Variants in COX6C observed in about 807,000 individuals in gnomAD.
COX6C encodes the protein cytochrome c oxidase subunit 6C, also known as cytochrome c oxidase polypeptide VIc.
A neutral mutation model predicts 6.9 loss-of-function variants in COX6C; 3 were observed. That is an observed-to-expected ratio of 0.43 (90% confidence interval 0.20 to 1.12). The LOEUF is 1.12. Ranked by LOEUF, COX6C falls within the 50% of genes most tolerant of loss-of-function variation. The probability of loss-of-function intolerance (pLI) is 0.27; values close to 1 mark genes in which losing one functional copy is unlikely to be tolerated. For synonymous variants in COX6C, 32 were observed against 32.0 expected (o/e 1.00, Z 0.00); for missense variants, 101 against 97.3 (o/e 1.04, Z -0.16).
chr8:99,884,101 G>A (rs551618797), intron 3 of COX6C, among the ~76,000 whole-genome samples: 1 of 152,136 alleles, frequency 6.6e-6, no homozygotes, highest in Non-Finnish European at 1.5e-5. Context: ...GCCCGCTCTT[G>A]CCACTTCTAT....
chr8:99,881,652 C>T (rs1817867635), intron 3 of COX6C, among the ~76,000 whole-genome samples: 1 of 152,012 alleles, frequency 6.6e-6, no homozygotes, highest in South Asian at 2.1e-4. Context: ...AAAGGAAAGA[C>T]TGAAACATGT....
At chr8:99,893,434 G>C (rs1818088834) in intron 1 of COX6C, 1 of 152,214 alleles carries the variant, frequency 6.6e-6, no homozygotes. Context: ...TGGGGCCGTC[G>C]CAACCCACCC....
intron 1 of COX6C, 194 bp downstream of exon 1, chr8:99,893,445 C>G (rs1032805516): frequency 5.9e-5 from 9 of 152,346 alleles, no homozygotes; most frequent in South Asian, 2.1e-4. Flanking sequence ...CAACCCACCC[C>G]GGTCCGTGGT....
chr8:99,888,428 A>G (rs971616683), intron 2 of COX6C, among the ~76,000 whole-genome samples: 1 of 151,586 alleles, frequency 6.6e-6, no homozygotes, highest in Non-Finnish European at 1.5e-5. Context: ...AAAATTAGCC[A>G]GGCATGGTGG....
intron 3 of COX6C, among the ~76,000 whole-genome samples, chr8:99,884,635 T>C (rs1486885645): frequency 1.3e-5 from 2 of 152,174 alleles, no homozygotes. Flanking sequence ...ATTGTTTTGA[T>C]TATAGTAGTC....
rs57396917 is a variant in COX6C, at chr8:99,881,277, T to G, written c.*16-3012A>C. 9.1e-3 allele frequency among the ~76,000 whole-genome samples: 1,380 copies of G among 152,130 alleles called. 23 individuals carry two copies. The highest frequency in any genetic ancestry group is 0.032 in the African/African-American group (1,311 of 41,484). On this transcript the variant is annotated intron_variant, in intron 3 of 3. Transcript: ENST00000520468. ...CGGGAGGCTGAGGCATGAGAATTGC[T>G]TGAACCCACGAGGCGGAAGTTGCAG...
At chr8:99,893,530 C>T (rs888545798) in intron 1 of COX6C, 109 bp downstream of exon 1, 1 of 152,338 alleles carries the variant, frequency 6.6e-6, no homozygotes, top group Non-Finnish European at 1.5e-5. Context: ...AGCTGCACCA[C>T]GGCGGAGACA....
chr8:99,893,477 G>T (rs911703253), intron 1 of COX6C, 162 bp downstream of exon 1: 1 of 152,356 alleles, frequency 6.6e-6, no homozygotes, highest in Admixed American at 6.5e-5. Context: ...CCTCCCTCAG[G>T]CCGCAGCGGA....
rs1817963888 is a variant in COX6C at position 99,887,587 on chromosome 8, T to C, written c.146A>G (p.Tyr49Cys). 2.5e-6 allele frequency: 4 copies of C among 1,607,916 alleles called. No homozygotes were observed. Among genetic ancestry groups the C allele is most frequent in the Non-Finnish European group, 2.5e-6 (3 of 1,178,400 alleles). The change falls in exon 3 of 4, where the codon TAC (tyrosine) becomes TGC (cysteine). Residue 49 changes from tyrosine (Y) to cysteine (C), a missense_variant. Physicochemically the swap from Tyr to Cys is radical, Grantham distance 194. Transcript: ENST00000520468. ...FRVADQRKKA[Y>C]ADFYRNYDVM... ...ATCGTAGTTTCTGTAGAAATCTGCG[T>C]ATGCCTTCTTTCTTTGATCAGCCAC...
chr8:99,882,683 CAGAG>C (rs1171600685), intron 3 of COX6C, among the ~76,000 whole-genome samples: 5 of 152,142 alleles, frequency 3.3e-5, no homozygotes, highest in Non-Finnish European at 5.9e-5. Flanking sequence ...CACCAACTAA[CAGAG>C]GGAACATTAC....
Position 99,889,292 on chromosome 8 carries a change from CCTAA to C in COX6C, c.115-1678_115-1675del, listed in dbSNP as rs540722755. 2.4e-3 allele frequency among the ~76,000 whole-genome samples: 353 copies of C among 149,494 alleles called. 2 individuals are homozygous for C. Among genetic ancestry groups the C allele is most frequent in the African/African-American group, 8.3e-3 (341 of 40,856 alleles). Reference sequence around the variant, plus strand: ...TCTCCTCTTTGCTCTCCCAGTTCTCCCTAACTTTTTTTTTTGAGACAAAGTCTGG... The same window carrying C: ...TCTCCTCTTTGCTCTCCCAGTTCTCCCTTTTTTTTTTGAGACAAAGTCTGG... On this transcript the variant is annotated intron_variant, in intron 2 of 3. Coordinates refer to ENST00000520468, the MANE Select transcript of COX6C (RefSeq NM_004374.4).
Position 99,891,954 on chromosome 8 carries a change from A to G in COX6C, c.68T>C (p.Met23Thr), listed in dbSNP as rs773292927. ...GLLARRLRNHMAVAFVLSLGV... is the reference protein window; with the variant it reads ...GLLARRLRNHTAVAFVLSLGV... ...CAGGGATAGCACGAATGCTACAGCC[A>G]TATGATTTCGCAGACGCCTGGCCAG... is the stretch of plus-strand genomic sequence containing the variant. The change falls in exon 2 of 4, where the codon ATG (methionine) becomes ACG (threonine). Residue 23 changes from methionine (M) to threonine (T), a missense_variant. Met to Thr is a moderately conservative substitution (Grantham distance 81). Transcript: ENST00000520468. 6 of 1,614,012 alleles carry G rather than the reference A, an allele frequency of 3.7e-6. No homozygotes were observed. In the Admixed American group the frequency reaches 5.0e-5, roughly 13 times the overall value.
intron 3 of COX6C, chr8:99,886,007 G>C (rs1276453230): frequency 2.0e-5 from 3 of 152,146 alleles, no homozygotes; most frequent in Admixed American, 6.5e-5. Flanking sequence ...TACATGAAAA[G>C]ATGCTCAAGA....
intron 3 of COX6C, chr8:99,887,268 G>A: frequency 2.9e-6 from 1 of 345,044 alleles, no homozygotes; most frequent in Non-Finnish European, 5.3e-6. Context: ...GGGGGATGTG[G>A]TCATTGGTGC....
chr8:99,878,455 T>A (rs985166046), intron 3 of COX6C, 190 bp from the exon 4 acceptor site: 1 of 152,192 alleles, frequency 6.6e-6, no homozygotes, highest in Non-Finnish European at 1.5e-5. Context: ...TCCTCTAAGC[T>A]CCCTGACCAC....
At position 99,891,960 on chromosome 8, in the gene COX6C, T is replaced by C. The variant is rs150378190; in HGVS notation, c.62A>G (p.Asn21Ser). The change falls in exon 2 of 4, where the codon AAT becomes AGT. Residue 21 changes from asparagine (N) to serine (S), a missense_variant. Physicochemically the swap from Asn to Ser is conservative, Grantham distance 46. Coordinates refer to ENST00000520468, the MANE Select transcript of COX6C (RefSeq NM_004374.4). Reference sequence around the variant, plus strand: ...TAGCACGAATGCTACAGCCATATGATTTCGCAGACGCCTGGCCAGAAGGCC... The same window carrying C: ...TAGCACGAATGCTACAGCCATATGACTTCGCAGACGCCTGGCCAGAAGGCC... ...MRGLLARRLRNHMAVAFVLSL... is the reference protein window; with the variant it reads ...MRGLLARRLRSHMAVAFVLSL... The C allele has an allele frequency of 2.9e-5, 46 of 1,613,964 alleles. No individual in the cohort carries two copies. The African/African-American group carries it at 6.1e-4, about 22-fold the overall frequency.
intron 3 of COX6C, among the ~76,000 whole-genome samples, chr8:99,883,467 A>ATT (rs1420791344): frequency 2.8e-5 from 4 of 143,908 alleles, no homozygotes; most frequent in African/African-American, 8.3e-5. Context: ...ATATATATAT[A>ATT]TATATTTTTT....
At chr8:99,880,383 A>G (rs746517098) in intron 3 of COX6C, among the ~76,000 whole-genome samples, 4 of 152,238 alleles carry the variant, frequency 2.6e-5, no homozygotes, top group Non-Finnish European at 5.9e-5. Context: ...ACTAAGCAAA[A>G]TTAGATAAAC....
chr8:99,890,944 A>G (rs1257699115), intron 2 of COX6C, among the ~76,000 whole-genome samples: 1 of 152,272 alleles, frequency 6.6e-6, no homozygotes, highest in East Asian at 1.9e-4. Context: ...AAAATTAAAA[A>G]TACAATATAA....
Sources: allele counts gnomAD v4.1 joint callset (sites outside exome capture counted in the v4.1 genomes callset), GRCh38; gene constraint gnomAD v4.1.1; transcripts MANE v1.5; gene names NCBI Gene and HGNC (gene_info 2026-07-23, HGNC 2026-07-21).